The following THSD7B variants were observed in gnomAD, a reference collection of about 807,000 sequenced individuals.
The protein encoded by THSD7B is thrombospondin type 1 domain containing 7B, also known as thrombospondin type-1 domain-containing protein 7B.
In THSD7B, 138 loss-of-function variants were observed where a neutral mutation model predicts 213.6. The observed-to-expected ratio is 0.65, with a 90% CI of 0.56 to 0.74. The LOEUF is 0.74. Among genes scored for constraint, THSD7B ranks in the 30% least tolerant of loss-of-function variants. The pLI, the probability that THSD7B is intolerant of heterozygous loss-of-function variation, is 0.00. For missense variants in THSD7B, 1,931 were observed against 1,991.5 expected, an observed-to-expected ratio of 0.97 and a Z score of 0.58; for synonymous variants, 742 against 687.0, an observed-to-expected ratio of 1.08 and a Z score of -1.25.
At chr2:137,184,046 G>C (rs562049773) in intron 7 of THSD7B, among the ~76,000 whole-genome samples, 1 of 152,214 alleles carries the variant, frequency 6.6e-6, no homozygotes, top group African/African-American at 2.4e-5. Flanking sequence ...CCTGCATGGT[G>C]GTCAGGCATT....
chr2:136,791,770 C>T lies in THSD7B; in HGVS notation c.-36+26083C>T, dbSNP rs115239429. Among the ~76,000 whole-genome samples the T allele has an allele frequency of 7.1e-3, 1,085 of 152,108 alleles. 23 individuals carry two copies. The highest frequency in any genetic ancestry group is 0.025 in the African/African-American group (1,032 of 41,496). The stretch of plus-strand genomic sequence containing the variant: ...ACTAATATTCCATTGTATGGATACA[C>T]CACGTTTTATTTGTCAGTTGGTGAA... On this transcript the variant is annotated intron_variant, in intron 1 of 27. Transcript: ENST00000409968.
chr2:137,200,507 T>C (rs1032057571), intron 7 of THSD7B, among the ~76,000 whole-genome samples: 1 of 152,116 alleles, frequency 6.6e-6, no homozygotes, highest in African/African-American at 2.4e-5. Context: ...CATATAGAAA[T>C]CAGCATAAAT....
chr2:137,211,850 G>T (rs547347522), intron 7 of THSD7B, among the ~76,000 whole-genome samples: 1 of 152,106 alleles, frequency 6.6e-6, no homozygotes, highest in Non-Finnish European at 1.5e-5. Flanking sequence ...GGAAAGAAAA[G>T]GTAAGAATGC....
At chr2:137,230,901 T>G in intron 7 of THSD7B, 143 bp from the exon 8 acceptor site, 1 of 750,490 alleles carries the variant, frequency 1.3e-6, no homozygotes, top group Non-Finnish European at 2.1e-6. Flanking sequence ...AATTATCTCC[T>G]GGCAGTTTTT....
chr2:137,653,922 CCTTT>C (rs997686893), intron 21 of THSD7B, among the ~76,000 whole-genome samples: 46 of 151,588 alleles, frequency 3.0e-4, no homozygotes, highest in African/African-American at 1.1e-3. Flanking sequence ...CACACTGGTT[CCTTT>C]CTTTATTCAT....
chr2:136,948,577 T>A (rs1341347399), intron 2 of THSD7B, among the ~76,000 whole-genome samples: 2 of 152,316 alleles, frequency 1.3e-5, no homozygotes, highest in African/African-American at 4.8e-5. Context: ...ATTCGGGAAG[T>A]TTACTAACGG....
At chr2:137,111,466 C>G (rs1225122249) in intron 4 of THSD7B, among the ~76,000 whole-genome samples, 1 of 152,116 alleles carries the variant, frequency 6.6e-6, no homozygotes, top group Non-Finnish European at 1.5e-5. Flanking sequence ...ATCAGGTAAA[C>G]CTTGCTTTGA....
At chr2:137,153,231 C>T (rs1310011268) in intron 5 of THSD7B, among the ~76,000 whole-genome samples, 2 of 151,850 alleles carry the variant, frequency 1.3e-5, no homozygotes, top group African/African-American at 4.8e-5. Context: ...TATTTTTCTC[C>T]TGAGGAGTGT....
chr2:137,468,115 G>A (rs1423992744), intron 15 of THSD7B, among the ~76,000 whole-genome samples: 1 of 152,180 alleles, frequency 6.6e-6, no homozygotes, highest in Non-Finnish European at 1.5e-5. Flanking sequence ...TATTGAAGTT[G>A]AAACACCTTT....
intron 27 of THSD7B, among the ~76,000 whole-genome samples, chr2:137,675,942 T>C (rs1044622265): frequency 1.6e-4 from 25 of 152,214 alleles, no homozygotes; most frequent in African/African-American, 5.8e-4. Flanking sequence ...GGAATGTTGT[T>C]AACTTAAGCT....
At chr2:137,574,154 C>T (rs1014279530) in intron 17 of THSD7B, among the ~76,000 whole-genome samples, 5 of 152,046 alleles carry the variant, frequency 3.3e-5, no homozygotes, top group African/African-American at 1.2e-4. Flanking sequence ...CTAATCACTT[C>T]GCAATGAAAA....
At chr2:136,957,327 G>A (rs1356126051) in intron 2 of THSD7B, among the ~76,000 whole-genome samples, 1 of 152,168 alleles carries the variant, frequency 6.6e-6, no homozygotes, top group Non-Finnish European at 1.5e-5. Flanking sequence ...CCAACATGGA[G>A]GACAAGGGAG....
At chr2:137,560,298 C>A (rs982250053) in intron 15 of THSD7B, among the ~76,000 whole-genome samples, 2 of 152,074 alleles carry the variant, frequency 1.3e-5, no homozygotes, top group African/African-American at 2.4e-5. Context: ...ATAGCAAAGA[C>A]TTGGAACCAA....
intron 5 of THSD7B, among the ~76,000 whole-genome samples, chr2:137,117,967 G>A (rs552431129): frequency 1.8e-4 from 28 of 152,182 alleles, no homozygotes; most frequent in African/African-American, 6.0e-4. Flanking sequence ...GATGTTTGCC[G>A]CAAGAGTATA....
chr2:137,236,374 C>A (rs1204512198), intron 9 of THSD7B, among the ~76,000 whole-genome samples: 1 of 152,196 alleles, frequency 6.6e-6, no homozygotes, highest in Non-Finnish European at 1.5e-5. Context: ...ACAGGTGAGA[C>A]TGTTACCATT....
intron 2 of THSD7B, among the ~76,000 whole-genome samples, chr2:137,028,669 C>T (rs1038237906): frequency 6.6e-6 from 1 of 152,132 alleles, no homozygotes; most frequent in East Asian, 1.9e-4. Context: ...AATGCAATGC[C>T]AGGAAATAAG....
intron 1 of THSD7B, among the ~76,000 whole-genome samples, chr2:136,867,886 A>G (rs1417515423): frequency 6.6e-6 from 1 of 152,222 alleles, no homozygotes; most frequent in Non-Finnish European, 1.5e-5. Flanking sequence ...GTGTGTACAC[A>G]CACACATATG....
At chr2:137,312,764 A>T (rs1385646164) in intron 12 of THSD7B, among the ~76,000 whole-genome samples, 1 of 150,186 alleles carries the variant, frequency 6.7e-6, no homozygotes, top group African/African-American at 2.4e-5. Context: ...TTCATTATGT[A>T]CCCAGTAGTC....
chr2:137,563,797 T>A (rs1001681957), intron 16 of THSD7B, among the ~76,000 whole-genome samples: 4 of 152,156 alleles, frequency 2.6e-5, no homozygotes, highest in African/African-American at 9.7e-5. Flanking sequence ...AACTAAAGTC[T>A]GAGAATACCT....
Sources: gnomAD v4.1 joint callset for allele counts (sites outside exome capture counted in the v4.1 genomes callset) on GRCh38, gnomAD v4.1.1 for gene constraint, MANE v1.5 for transcripts, NCBI Gene and HGNC (gene_info 2026-07-23, HGNC 2026-07-21) for gene names.